MACROD2: variants seen among roughly 807,000 people sequenced by gnomAD.
The protein encoded by MACROD2 is ADP-ribose glycohydrolase MACROD2.
A neutral mutation model predicts 70.4 loss-of-function variants in MACROD2; 36 were observed. The observed-to-expected ratio is 0.51, with a 90% confidence interval of 0.39 to 0.68. The LOEUF is 0.68. Among genes scored for constraint, MACROD2 ranks in the 30% least tolerant of loss-of-function variants. The pLI is 0.00. For synonymous variants in MACROD2, 172 were observed against 178.8 expected, an observed-to-expected ratio of 0.96 and a Z score of 0.30; for missense variants, 496 against 538.4, an observed-to-expected ratio of 0.92 and a Z score of 0.78.
At chr20:14,298,956 A>C (rs1171944787) in intron 3 of MACROD2, among the ~76,000 whole-genome samples, 1 of 152,234 alleles carries the variant, frequency 6.6e-6, no homozygotes, top group African/African-American at 2.4e-5. Flanking sequence ...GTTTCTTGAG[A>C]TAGAATCTAC....
chr20:14,006,659 T>G (rs1363008062), intron 2 of MACROD2, among the ~76,000 whole-genome samples: 1 of 152,224 alleles, frequency 6.6e-6, no homozygotes, highest in Non-Finnish European at 1.5e-5. Flanking sequence ...GGTCCATATA[T>G]TGCATTTAAT....
chr20:15,979,987 A>G (rs1357958990), intron 13 of MACROD2, among the ~76,000 whole-genome samples: 1 of 152,180 alleles, frequency 6.6e-6, no homozygotes, highest in East Asian at 1.9e-4. Context: ...CCGAATGCAC[A>G]ATTTCTGTCC....
chr20:14,316,823 A>C (rs2082615354), intron 3 of MACROD2, among the ~76,000 whole-genome samples: 1 of 152,174 alleles, frequency 6.6e-6, no homozygotes, highest in African/African-American at 2.4e-5. Context: ...TCTGTTCCAC[A>C]CAGTGTTTCT....
At chr20:15,830,200 C>A (rs891077770) in intron 8 of MACROD2, among the ~76,000 whole-genome samples, 4 of 152,130 alleles carry the variant, frequency 2.6e-5, no homozygotes, top group African/African-American at 9.7e-5. Context: ...CTTTGTATAT[C>A]CATACTTCAA....
chr20:15,684,856 A>G (rs2050206181), intron 8 of MACROD2, among the ~76,000 whole-genome samples: 1 of 152,172 alleles, frequency 6.6e-6, no homozygotes, highest in African/African-American at 2.4e-5. Context: ...GAAATGTTAG[A>G]CCATACATAG....
intron 6 of MACROD2, among the ~76,000 whole-genome samples, chr20:15,273,417 C>CATATAT (rs59038211): frequency 1.1e-3 from 156 of 147,734 alleles, no homozygotes; most frequent in African/African-American, 3.7e-3. Context: ...AACTCCCCTC[C>CATATAT]ATATATATAT....
intron 6 of MACROD2, among the ~76,000 whole-genome samples, chr20:15,402,697 G>A (rs774069457): frequency 6.6e-6 from 1 of 152,194 alleles, no homozygotes; most frequent in African/African-American, 2.4e-5. Context: ...GAATAAAGAA[G>A]TGCAAAAATA....
intron 3 of MACROD2, among the ~76,000 whole-genome samples, chr20:14,158,631 A>C (rs769589318): frequency 6.6e-6 from 1 of 152,130 alleles, no homozygotes; most frequent in Non-Finnish European, 1.5e-5. Flanking sequence ...GTGTATGGAT[A>C]TCCAGTTTTC....
chr20:14,482,277 G>T (rs2084671725), intron 3 of MACROD2, among the ~76,000 whole-genome samples: 1 of 151,658 alleles, frequency 6.6e-6, no homozygotes, highest in Admixed American at 6.6e-5. Flanking sequence ...GGAAAAAGAA[G>T]AAATGGAAAC....
chr20:15,268,752 A>T (rs1336938307), intron 6 of MACROD2, among the ~76,000 whole-genome samples: 1 of 152,214 alleles, frequency 6.6e-6, no homozygotes, highest in Non-Finnish European at 1.5e-5. Context: ...TATGAGAATC[A>T]TGGACTCTTT....
chr20:14,817,639 G>A (rs1600694157), intron 5 of MACROD2, among the ~76,000 whole-genome samples: 1 of 152,194 alleles, frequency 6.6e-6, no homozygotes, highest in Non-Finnish European at 1.5e-5. Flanking sequence ...CTGTGTCAGA[G>A]GTCCTGTTTG....
intron 8 of MACROD2, among the ~76,000 whole-genome samples, chr20:15,852,483 A>G (rs1356260353): frequency 6.6e-6 from 1 of 152,248 alleles, no homozygotes; most frequent in Non-Finnish European, 1.5e-5. Context: ...CATCTCTGGG[A>G]ACATGGGGAG....
intron 6 of MACROD2, among the ~76,000 whole-genome samples, chr20:15,252,469 C>T (rs1474724568): frequency 1.3e-5 from 2 of 152,182 alleles, no homozygotes; most frequent in African/African-American, 4.8e-5. Context: ...AGCTGTCTCT[C>T]TCTGGAACTG....
intron 8 of MACROD2, among the ~76,000 whole-genome samples, chr20:15,657,836 T>C (rs1280442793): frequency 6.6e-6 from 1 of 152,088 alleles, no homozygotes. Context: ...CTACTAAAAA[T>C]ACAAAATTAG....
At chr20:15,420,567 G>A (rs1003903629) in intron 6 of MACROD2, among the ~76,000 whole-genome samples, 1 of 150,680 alleles carries the variant, frequency 6.6e-6, no homozygotes, top group Non-Finnish European at 1.5e-5. Context: ...TGAAGGAGAC[G>A]GCATCCTTTT....
chr20:14,806,168 G>A (rs1353955452), intron 5 of MACROD2, among the ~76,000 whole-genome samples: 4 of 152,096 alleles, frequency 2.6e-5, no homozygotes, highest in Non-Finnish European at 4.4e-5. Context: ...ACTCGAAGAG[G>A]GCCGAATAGG....
chr20:15,398,549 A>G (rs1289601197), intron 6 of MACROD2, among the ~76,000 whole-genome samples: 1 of 152,230 alleles, frequency 6.6e-6, no homozygotes, highest in Non-Finnish European at 1.5e-5. Context: ...TTACGAGAAT[A>G]TAAATAACAG....
At chr20:14,569,074 A>G (rs1446932667) in intron 4 of MACROD2, among the ~76,000 whole-genome samples, 2 of 152,022 alleles carry the variant, frequency 1.3e-5, no homozygotes, top group African/African-American at 4.8e-5. Flanking sequence ...CAAAAATGAA[A>G]TTCTCACTCA....
At chr20:15,949,775 T>C (rs1476268586) in intron 12 of MACROD2, among the ~76,000 whole-genome samples, 1 of 152,174 alleles carries the variant, frequency 6.6e-6, no homozygotes, top group African/African-American at 2.4e-5. Flanking sequence ...AAAGTAATCA[T>C]AGATCTTCAA....
Sources: gnomAD v4.1 joint callset for allele counts (sites outside exome capture counted in the v4.1 genomes callset) on GRCh38, gnomAD v4.1.1 for gene constraint, MANE v1.5 for transcripts, NCBI Gene and HGNC (gene_info 2026-07-23, HGNC 2026-07-21) for gene names.